The following AKAP6 variants were observed in gnomAD, a reference collection of about 807,000 sequenced individuals.
The protein encoded by AKAP6 is A-kinase anchor protein 6.
A neutral mutation model predicts 188.5 loss-of-function variants in AKAP6; 58 were observed. That is an observed-to-expected ratio of 0.31 (90% CI 0.25 to 0.38). The LOEUF (loss-of-function observed/expected upper bound fraction) is 0.38, where lower values mean the gene tolerates loss of function less well. Ranked by LOEUF, AKAP6 falls within the 10% of genes least tolerant of loss-of-function variation. AKAP6 has a pLI of 1.00. For missense variants in AKAP6, 2,710 were observed against 2,740.0 expected (o/e 0.99, Z 0.24); for synonymous variants, 989 against 998.6 (o/e 0.99, Z 0.18).
At chr14:32,413,507 T>C (rs1889560968) in intron 1 of AKAP6, among the ~76,000 whole-genome samples, 1 of 152,190 alleles carries the variant, frequency 6.6e-6, no homozygotes, top group South Asian at 2.1e-4. Context: ...ATCCTTGTGA[T>C]ATACAGCCAT....
Position 32,518,766 on chromosome 14 carries a change from A to G in AKAP6, c.325-16788A>G. Among the ~76,000 whole-genome samples, 2 of 152,256 alleles carry G rather than the reference A, an allele frequency of 1.3e-5. 1 individual carries two copies. The highest frequency in any genetic ancestry group is 2.9e-5 in the Non-Finnish European group (2 of 68,048). On this transcript the variant is annotated intron_variant, in intron 2 of 13. Transcript: ENST00000280979. ...GGAGAATGGAACCAAGTTGGAAAAC[A>G]CTATTCAGGATATTATCCAGGAGAA...
Position 32,577,121 on chromosome 14 carries a change from G to T in AKAP6, c.2348G>T (p.Gly783Val), listed in dbSNP as rs761354459. The change falls in exon 5 of 14, where the codon GGG becomes GTG. Residue 783 changes from glycine to valine, a missense_variant and splice_region_variant. By Grantham distance (109) the Gly-to-Val change is moderately radical. Transcript: ENST00000280979. ...NYEAIWEKIE[G>V]FVNKLDEFIQ... Reference sequence around the variant, plus strand: ...TCCCCTTTTCTTTCCTTTCACAAGGGGTTTGTAAACAAACTGGATGAATTC... The same window carrying T: ...TCCCCTTTTCTTTCCTTTCACAAGGTGTTTGTAAACAAACTGGATGAATTC... 1 of 1,605,122 alleles carries T rather than the reference G, an allele frequency of 6.2e-7. No homozygotes were observed. The highest frequency in any genetic ancestry group is 8.5e-7 in the Non-Finnish European group (1 of 1,177,442).
At chr14:32,679,662 T>C (rs796422796) in intron 8 of AKAP6, among the ~76,000 whole-genome samples, 1 of 152,196 alleles carries the variant, frequency 6.6e-6, no homozygotes, top group Admixed American at 6.5e-5. Flanking sequence ...ATAACTCCTG[T>C]ATTCTTAGTC....
At chr14:32,645,264 A>G (rs1410123891) in intron 7 of AKAP6, among the ~76,000 whole-genome samples, 1 of 152,180 alleles carries the variant, frequency 6.6e-6, no homozygotes, top group African/African-American at 2.4e-5. Context: ...ATACACTTAA[A>G]AGAGCAACGT....
At position 32,463,176 on chromosome 14, in the gene AKAP6, A is replaced by AT. The variant is rs1338154222; in HGVS notation, c.324+29360dup. On this transcript the variant is annotated intron_variant, in intron 2 of 13. Transcript: ENST00000280979. ...GGGAGAGTTTAACACCTCACTGTCG[A>AT]TATTAAATGATCACCAAGACAGAAA... 2.6e-5 allele frequency among the ~76,000 whole-genome samples: 4 copies of AT among 152,236 alleles called. No homozygotes were observed. In the East Asian group the frequency reaches 7.7e-4, roughly 29 times the overall value.
chr14:32,689,628 G>A (rs1242885879), intron 8 of AKAP6, among the ~76,000 whole-genome samples: 1 of 152,068 alleles, frequency 6.6e-6, no homozygotes, highest in African/African-American at 2.4e-5. Context: ...ACATGCAACT[G>A]TGCATATCAG....
chr14:32,445,566 G>A (rs570226034), intron 2 of AKAP6, among the ~76,000 whole-genome samples: 39 of 152,034 alleles, frequency 2.6e-4, no homozygotes, highest in East Asian at 1.2e-3. Flanking sequence ...TAGTAGAGAC[G>A]GGGTTTTGCC....
intron 11 of AKAP6, among the ~76,000 whole-genome samples, chr14:32,751,498 CTTTT>C (rs71432082): frequency 1.3e-4 from 16 of 122,524 alleles, no homozygotes; most frequent in Non-Finnish European, 2.3e-4. Flanking sequence ...TCTCTTTTCA[CTTTT>C]TTTTTTTTTT....
intron 5 of AKAP6, among the ~76,000 whole-genome samples, chr14:32,586,604 C>T (rs1885262431): frequency 6.6e-6 from 1 of 152,186 alleles, no homozygotes; most frequent in South Asian, 2.1e-4. Context: ...GCACTCCAGC[C>T]TGGGCGACTG....
intron 13 of AKAP6, among the ~76,000 whole-genome samples, chr14:32,827,315 C>T (rs1316044785): frequency 1.3e-5 from 2 of 149,480 alleles, no homozygotes; most frequent in Admixed American, 1.3e-4. Flanking sequence ...CTCTTTTTAT[C>T]AGGACAGTAA....
At chr14:32,600,572 A>G (rs1187743053) in intron 6 of AKAP6, 57 bp from the exon 7 acceptor site, 1 of 1,489,628 alleles carries the variant, frequency 6.7e-7, no homozygotes, top group African/African-American at 1.4e-5. Context: ...AAATAAAAAT[A>G]ATGAGTAAAG....
At chr14:32,540,168 CTA>C (rs61668961) in intron 3 of AKAP6, among the ~76,000 whole-genome samples, 722 of 60,838 alleles carry the variant, frequency 0.012, 4 homozygotes, top group Middle Eastern at 0.023. Flanking sequence ...CTCTCTCTCT[CTA>C]TATATATATA....
At chr14:32,737,108 A>C (rs1464558211) in intron 11 of AKAP6, among the ~76,000 whole-genome samples, 2 of 152,142 alleles carry the variant, frequency 1.3e-5, no homozygotes, top group Admixed American at 1.3e-4. Flanking sequence ...TGGAATCTTC[A>C]GATCTTTTAA....
intron 7 of AKAP6, among the ~76,000 whole-genome samples, chr14:32,614,498 A>ATTTGAT (rs987349999): frequency 6.6e-6 from 1 of 152,200 alleles, no homozygotes; most frequent in Non-Finnish European, 1.5e-5. Context: ...AAGTGGTAAA[A>ATTTGAT]TTTGATATTA....
chr14:32,475,371 A>G lies in AKAP6; in HGVS notation c.324+41554A>G, dbSNP rs968858753. Among the ~76,000 whole-genome samples, 3 of 152,146 alleles carry G rather than the reference A, an allele frequency of 2.0e-5. No homozygotes were observed. In the East Asian group the frequency reaches 5.8e-4, roughly 29 times the overall value. On this transcript the variant is annotated intron_variant, in intron 2 of 13. Transcript: ENST00000280979. ...ATTTACAACACCATTCTACCTTCACATTGGCTACAGCTGATTCAGGCATCC... is the reference window on the plus strand; with the variant it reads ...ATTTACAACACCATTCTACCTTCACGTTGGCTACAGCTGATTCAGGCATCC...
At chr14:32,735,607 T>C in intron 10 of AKAP6, 51 bp from the exon 11 acceptor site, 1 of 1,266,780 alleles carries the variant, frequency 7.9e-7, no homozygotes. Context: ...GTTCGTGGGG[T>C]TTTTTTTTGT....
intron 4 of AKAP6, among the ~76,000 whole-genome samples, chr14:32,551,337 T>A (rs966797523): frequency 4.6e-5 from 7 of 152,034 alleles, no homozygotes; most frequent in African/African-American, 1.4e-4. Context: ...TTTGGGAGGC[T>A]GAGGTGGGCA....
intron 5 of AKAP6, among the ~76,000 whole-genome samples, chr14:32,592,939 C>T (rs914498392): frequency 2.2e-4 from 33 of 151,644 alleles, no homozygotes; most frequent in Non-Finnish European, 2.1e-4. Context: ...CCCCATTCTA[C>T]AGCATGTCAT....
At chr14:32,728,775 C>T (rs2031019888) in intron 9 of AKAP6, among the ~76,000 whole-genome samples, 1 of 152,214 alleles carries the variant, frequency 6.6e-6, no homozygotes, top group Non-Finnish European at 1.5e-5. Context: ...GTCTTAATCT[C>T]TCTGTGTGCT....
Sources: allele counts gnomAD v4.1 joint callset (sites outside exome capture counted in the v4.1 genomes callset), GRCh38; gene constraint gnomAD v4.1.1; transcripts MANE v1.5; gene names NCBI Gene and HGNC (gene_info 2026-07-23, HGNC 2026-07-21).